Variants in CSGALNACT1 observed in about 807,000 individuals in gnomAD.
The protein encoded by CSGALNACT1 is beta4GalNAcT-1.
CSGALNACT1 carries 52 observed loss-of-function variants against 51.0 expected under a neutral mutation model. The observed-to-expected ratio is 1.02, with a 90% CI of 0.82 to 1.29. The LOEUF is 1.29. Among genes scored for constraint, CSGALNACT1 ranks in the 50% most tolerant of loss-of-function variants. The pLI is 0.00. For missense variants in CSGALNACT1, 935 were observed against 679.2 expected, an observed-to-expected ratio of 1.38 and a Z score of -4.19; for synonymous variants, 341 against 254.4, an observed-to-expected ratio of 1.34 and a Z score of -3.24.
intron 3 of CSGALNACT1, among the ~76,000 whole-genome samples, chr8:19,517,389 G>A (rs557425402): frequency 5.9e-5 from 9 of 152,244 alleles, no homozygotes; most frequent in South Asian, 2.1e-4. Context: ...GCCGTGAGCC[G>A]AGATTGCACC....
rs557416479 is a variant in CSGALNACT1 at position 19,489,555 on chromosome 8, G to A, written c.634+15646C>T. 3.3e-5 allele frequency among the ~76,000 whole-genome samples: 5 copies of A among 152,238 alleles called. No individual in the cohort carries two copies. The East Asian group carries it at 5.8e-4, about 18-fold the overall frequency. On this transcript the variant is annotated intron_variant, in intron 4 of 9. Transcript: ENST00000454498. ...CAACAAACATTTAATCAACGTTTAT[G>A]TACCAGGCAACGTGCTTAATATTAG... is the stretch of plus-strand genomic sequence containing the variant.
intron 1 of CSGALNACT1, among the ~76,000 whole-genome samples, chr8:19,668,415 A>G (rs1302051036): frequency 6.6e-6 from 1 of 152,188 alleles, no homozygotes; most frequent in African/African-American, 2.4e-5. Flanking sequence ...GTAATTTTAG[A>G]ATTTAAAAAC....
At chr8:19,638,991 GT>G (rs892020542) in intron 1 of CSGALNACT1, among the ~76,000 whole-genome samples, 1 of 151,926 alleles carries the variant, frequency 6.6e-6, no homozygotes, top group Non-Finnish European at 1.5e-5. Context: ...TTCTTTTTCT[GT>G]TTTTTTATGG....
exon 10 of CSGALNACT1, chr8:19,406,058 G>A (rs769525948): frequency 7.4e-6 from 12 of 1,614,070 alleles, no homozygotes; most frequent in Non-Finnish European, 1.0e-5. Flanking sequence ...TTGATGTCCA[G>A]ATCAAACCCA....
chr8:19,505,681 T>C lies in CSGALNACT1; in HGVS notation c.154A>G (p.Thr52Ala), dbSNP rs2077198702. The C allele has an allele frequency of 6.2e-7, 1 of 1,614,134 alleles. No individual in the cohort carries two copies. Among genetic ancestry groups the C allele is most frequent in the Non-Finnish European group, 8.5e-7 (1 of 1,180,032 alleles). ...ACGGCCTGGTACCCCTCCTTCCCCG[T>C]GGGGCTGTTGGCCCTGGGCAGTGCC... The change falls in exon 4 of 10, where the codon ACG becomes GCG. Residue 52 changes from threonine to alanine, a missense_variant. By Grantham distance (58) the Thr-to-Ala change is moderately conservative. Transcript: ENST00000454498.
intron 8 of CSGALNACT1, among the ~76,000 whole-genome samples, chr8:19,409,667 C>G (rs183994847): frequency 6.6e-6 from 1 of 152,148 alleles, no homozygotes; most frequent in African/African-American, 2.4e-5. Context: ...ATCCTGTCCT[C>G]TGGGGAAAGG....
intron 3 of CSGALNACT1, among the ~76,000 whole-genome samples, chr8:19,577,653 C>G (rs1252346556): frequency 6.6e-6 from 1 of 151,444 alleles, no homozygotes; most frequent in Non-Finnish European, 1.5e-5. Context: ...GGTTAGCATG[C>G]CAGACAACGA....
chr8:19,741,656 T>C (rs183568760), intron 1 of CSGALNACT1, among the ~76,000 whole-genome samples: 13 of 151,858 alleles, frequency 8.6e-5, no homozygotes, highest in African/African-American at 2.9e-4. Flanking sequence ...CCATGAACTA[T>C]AGGGACATTT....
At chr8:19,498,330 C>T (rs2075827929) in intron 4 of CSGALNACT1, among the ~76,000 whole-genome samples, 1 of 152,192 alleles carries the variant, frequency 6.6e-6, no homozygotes, top group South Asian at 2.1e-4. Context: ...ACCACATCCA[C>T]AACCGTAACT....
chr8:19,754,762 G>T (rs1036425776), intron 1 of CSGALNACT1, among the ~76,000 whole-genome samples: 3 of 152,190 alleles, frequency 2.0e-5, no homozygotes, highest in African/African-American at 7.2e-5. Context: ...TACCTTAAAG[G>T]ACAGGATAAT....
upstream of CSGALNACT1, among the ~76,000 whole-genome samples, chr8:19,604,833 T>C (rs925505980): frequency 4.1e-5 from 6 of 145,004 alleles, no homozygotes; most frequent in African/African-American, 1.5e-4. Context: ...GAGAATGGCA[T>C]GAACCCGGGA....
At chr8:19,458,290 C>T (rs1163376612) in intron 5 of CSGALNACT1, 136 bp downstream of exon 4, 29 of 845,854 alleles carry the variant, frequency 3.4e-5, no homozygotes, top group South Asian at 6.7e-5. Flanking sequence ...ATAAACTTTA[C>T]GTGGAGAAAA....
chr8:19,440,520 C>G (rs1175415296), intron 5 of CSGALNACT1, among the ~76,000 whole-genome samples: 2 of 151,926 alleles, frequency 1.3e-5, no homozygotes, highest in Non-Finnish European at 2.9e-5. Flanking sequence ...TTCAACAACC[C>G]TTCATGCTAA....
chr8:19,683,798 CAAGA>C (rs2060803069), upstream of CSGALNACT1, among the ~76,000 whole-genome samples: 1 of 150,364 alleles, frequency 6.7e-6, no homozygotes, highest in East Asian at 1.9e-4. Flanking sequence ...TAAGAAAAGT[CAAGA>C]AAGTATTTTT....
intron 1 of CSGALNACT1, among the ~76,000 whole-genome samples, chr8:19,725,163 G>C (rs889349593): frequency 6.6e-6 from 1 of 152,204 alleles, no homozygotes; most frequent in Non-Finnish European, 1.5e-5. Context: ...TGACACTATG[G>C]ATAACTGTCC....
upstream of CSGALNACT1, among the ~76,000 whole-genome samples, chr8:19,684,408 G>A (rs2060852133): frequency 6.6e-6 from 1 of 152,074 alleles, no homozygotes; most frequent in Non-Finnish European, 1.5e-5. Flanking sequence ...TGAGACTGTA[G>A]ACCTAATAAA....
intron 3 of CSGALNACT1, among the ~76,000 whole-genome samples, chr8:19,518,692 T>G (rs1327075844): frequency 1.3e-5 from 2 of 152,132 alleles, no homozygotes; most frequent in African/African-American, 4.8e-5. Context: ...GTGTCCTCAG[T>G]TTTCCTGGTA....
chr8:19,507,582 A>C (rs1051299480), intron 3 of CSGALNACT1, among the ~76,000 whole-genome samples: 1 of 151,274 alleles, frequency 6.6e-6, no homozygotes, highest in Non-Finnish European at 1.5e-5. Flanking sequence ...GACCAAATAG[A>C]ATTTCTTGTC....
intron 1 of CSGALNACT1, among the ~76,000 whole-genome samples, chr8:19,673,203 A>C (rs2059923558): frequency 6.6e-6 from 1 of 152,232 alleles, no homozygotes; most frequent in Non-Finnish European, 1.5e-5. Context: ...ACTCCGATGC[A>C]AGGAACAAAG....
Sources: gnomAD v4.1 joint callset for allele counts (sites outside exome capture counted in the v4.1 genomes callset) on GRCh38, gnomAD v4.1.1 for gene constraint, MANE v1.5 for transcripts, NCBI Gene and HGNC (gene_info 2026-07-23, HGNC 2026-07-21) for gene names.